The following HYDIN variants were observed in gnomAD, a reference collection of about 807,000 sequenced individuals.
HYDIN encodes the protein axonemal central pair apparatus protein HYDIN.
A neutral mutation model predicts 403.9 loss-of-function variants in HYDIN; 132 were observed. The ratio of observed to expected loss-of-function variants is 0.33; its 90% CI spans 0.28 to 0.38. The LOEUF is 0.38. Among genes scored for constraint, HYDIN ranks in the 10% least tolerant of loss-of-function variants. The probability of loss-of-function intolerance (pLI) is 1.00; values close to 1 mark genes in which losing one functional copy is unlikely to be tolerated. For synonymous variants in HYDIN, 1,202 were observed against 1,891.7 expected, an observed-to-expected ratio of 0.64 and a Z score of 9.46; for missense variants, 2,827 against 5,009.5, an observed-to-expected ratio of 0.56 and a Z score of 13.15.
chr16:71,110,381 A>G (rs933968724), intron 10 of HYDIN, among the ~76,000 whole-genome samples: 1 of 136,450 alleles, frequency 7.3e-6, no homozygotes, highest in Non-Finnish European at 1.5e-5. Flanking sequence ...AAAATAAAAT[A>G]CATATATTTT....
chr16:71,160,531 C>A (rs1217367445), intron 6 of HYDIN, among the ~76,000 whole-genome samples: 2 of 151,946 alleles, frequency 1.3e-5, no homozygotes, highest in Non-Finnish European at 2.9e-5. Context: ...AGCTATCAGT[C>A]CAGGAACTCC....
Position 71,220,843 on chromosome 16 carries a change from G to T in HYDIN, c.-24+9719C>A, listed in dbSNP as rs139874352. Among the ~76,000 whole-genome samples, 233 of 152,198 alleles carry T rather than the reference G, an allele frequency of 1.5e-3. 3 individuals are homozygous for T. The East Asian group carries it at 0.029, about 19-fold the overall frequency. ...AGTAATACATTGTTTTCTAATATAG[G>T]TTATGCTGGTTTGTTTGAACCAACT... is the stretch of plus-strand genomic sequence containing the variant. On this transcript the variant is annotated intron_variant, in intron 1 of 85. Transcript: ENST00000393567.
chr16:70,808,450 G>GCC (rs2035242309), intron 85 of HYDIN, among the ~76,000 whole-genome samples: 1 of 152,126 alleles, frequency 6.6e-6, no homozygotes, highest in Non-Finnish European at 1.5e-5. Context: ...GAAGTGAAAG[G>GCC]TGTCACTTCC....
chr16:71,093,962 T>A (rs753725679), intron 10 of HYDIN, 27 bp from the exon 11 acceptor site: 2 of 1,610,888 alleles, frequency 1.2e-6, no homozygotes, highest in Non-Finnish European at 8.5e-7. Context: ...GACTTTATCA[T>A]CCAAATGGTG....
intron 71 of HYDIN, among the ~76,000 whole-genome samples, chr16:70,858,923 A>C (rs1191308723): frequency 2.0e-5 from 3 of 151,722 alleles, no homozygotes; most frequent in Non-Finnish European, 4.4e-5. Context: ...AGAGTCTACA[A>C]ATATGTTTTG....
At chr16:71,030,912 T>C (rs2080882795) in intron 19 of HYDIN, among the ~76,000 whole-genome samples, 1 of 152,030 alleles carries the variant, frequency 6.6e-6, no homozygotes, top group Non-Finnish European at 1.5e-5. Flanking sequence ...TTGCAAAAGC[T>C]GCTAGTGACC....
intron 41 of HYDIN, among the ~76,000 whole-genome samples, chr16:70,947,373 C>T (rs2077904731): frequency 6.6e-6 from 1 of 152,008 alleles, no homozygotes; most frequent in South Asian, 2.1e-4. Context: ...ACCAGCCTTG[C>T]ATCCCAGGGA....
intron 60 of HYDIN, among the ~76,000 whole-genome samples, chr16:70,880,614 G>C (rs150205250): frequency 1.3e-3 from 194 of 152,318 alleles, no homozygotes; most frequent in African/African-American, 4.4e-3. Flanking sequence ...GCCTTGCTTT[G>C]TCTGGGTTAA....
rs192176702 is a variant in HYDIN at position 70,818,337 on chromosome 16, C to T, written c.14658+5G>A. On this transcript the variant is annotated splice_donor_5th_base_variant and intron_variant, in intron 84 of 85. Coordinates refer to ENST00000393567, the MANE Select transcript of HYDIN (RefSeq NM_001270974.2). ...AGGGAGCCCCCGACAGCCAAGGGGC[C>T]GTACCTCGGAGTTGGCAGGCACCAC... The T allele has an allele frequency of 4.3e-4, 686 of 1,609,250 alleles. No homozygotes were observed. The highest frequency in any genetic ancestry group is 5.2e-4 in the Non-Finnish European group (618 of 1,177,286).
chr16:71,046,840 G>C (rs56754032), intron 18 of HYDIN, among the ~76,000 whole-genome samples: 1 of 152,074 alleles, frequency 6.6e-6, no homozygotes, highest in Non-Finnish European at 1.5e-5. Flanking sequence ...GAATATGACT[G>C]TATACTATCA....
At chr16:70,835,015 CATAT>C (rs1157700083) in intron 78 of HYDIN, among the ~76,000 whole-genome samples, 4 of 141,676 alleles carry the variant, frequency 2.8e-5, no homozygotes, top group African/African-American at 1.1e-4. Context: ...TATACACACA[CATAT>C]ATATATGTTT....
intron 3 of HYDIN, among the ~76,000 whole-genome samples, chr16:71,183,480 C>T (rs1054554524): frequency 3.3e-5 from 5 of 152,062 alleles, no homozygotes; most frequent in Admixed American, 3.3e-4. Context: ...TATCCTAATA[C>T]TGAACTTTAA....
chr16:70,850,795 T>A (rs2038588366), intron 73 of HYDIN, 140 bp from the exon 74 acceptor site: 1 of 653,244 alleles, frequency 1.5e-6, no homozygotes. Context: ...GATTTGTGGC[T>A]ATAGTAACCA....
chr16:70,811,136 G>A (rs1026912902), intron 84 of HYDIN, among the ~76,000 whole-genome samples: 2 of 152,076 alleles, frequency 1.3e-5, no homozygotes, highest in Non-Finnish European at 2.9e-5. Context: ...AGTTCTTATT[G>A]AAAAATATCA....
chr16:70,955,792 G>A lies in HYDIN; in HGVS notation c.6143-244C>T, dbSNP rs528576177. ...CTGTGGCAATCTGCATCCTCGCTGG[G>A]TTTTCCCTCAGTTTAAAAAACAGAT... On this transcript the variant is annotated intron_variant, in intron 39 of 85. Transcript: ENST00000393567. Among the ~76,000 whole-genome samples the A allele has an allele frequency of 7.9e-5, 12 of 152,180 alleles. No homozygotes were observed. In the East Asian group the frequency reaches 2.3e-3, roughly 29 times the overall value.
rs200329724 is a variant in HYDIN at position 70,878,777 on chromosome 16, G to A, written c.10557+520C>T. Among the ~76,000 whole-genome samples, 367 of 139,362 alleles carry A rather than the reference G, an allele frequency of 2.6e-3. 4 individuals are homozygous for A. The highest frequency in any genetic ancestry group is 9.9e-3 in the African/African-American group (313 of 31,604). The allele number at this position is 139,362 out of a possible 152,430, so 91.4% of individuals were successfully genotyped here. A position where few individuals can be genotyped will look rare whatever the true frequency, so the allele number is the denominator to read the frequency against. On this transcript the variant is annotated intron_variant, in intron 62 of 85. Coordinates refer to ENST00000393567, the MANE Select transcript of HYDIN (RefSeq NM_001270974.2). ...CTCCTACAATGAGCCCTGTTCAAAC[G>A]TCATTTACAGTGAATTTTCCCTTCA...
intron 18 of HYDIN, among the ~76,000 whole-genome samples, chr16:71,056,478 A>G (rs1253849818): frequency 6.6e-5 from 10 of 152,028 alleles, no homozygotes; most frequent in African/African-American, 2.4e-4. Context: ...ATCTTCCAAT[A>G]TCACTATGGA....
intron 8 of HYDIN, among the ~76,000 whole-genome samples, chr16:71,130,875 C>G (rs1311175967): frequency 6.6e-6 from 1 of 151,274 alleles, no homozygotes; most frequent in Non-Finnish European, 1.5e-5. Flanking sequence ...TAAGGCACCT[C>G]CTTTTCTCTC....
intron 60 of HYDIN, among the ~76,000 whole-genome samples, chr16:70,881,097 G>A (rs2040767447): frequency 7.1e-6 from 1 of 140,548 alleles, no homozygotes; most frequent in Non-Finnish European, 1.5e-5. Context: ...ATGGTGGTGC[G>A]TGCCTGTAGT....
Sources: gnomAD v4.1 joint callset for allele counts (sites outside exome capture counted in the v4.1 genomes callset) on GRCh38, gnomAD v4.1.1 for gene constraint, MANE v1.5 for transcripts, NCBI Gene and HGNC (gene_info 2026-07-23, HGNC 2026-07-21) for gene names.